The following CRYGB variants were observed in gnomAD, a reference collection of about 807,000 sequenced individuals.
CRYGB encodes crystallin gamma B.
A neutral mutation model predicts 21.3 loss-of-function variants in CRYGB; 19 were observed. The observed-to-expected ratio is 0.89, with a 90% CI of 0.62 to 1.31. The LOEUF is 1.31. CRYGB is among the 50% of genes most tolerant of loss of function. CRYGB has a pLI of 0.00. For missense variants in CRYGB, 254 were observed against 228.4 expected, an observed-to-expected ratio of 1.11 and a Z score of -0.72; for synonymous variants, 81 against 81.2, an observed-to-expected ratio of 1.00 and a Z score of 0.01.
intron 2 of CRYGB, among the ~76,000 whole-genome samples, chr2:208,145,152 A>G (rs1039728594): frequency 3.3e-5 from 5 of 152,200 alleles, no homozygotes; most frequent in Non-Finnish European, 5.9e-5. Context: ...ATTAGAATAG[A>G]AATCAGAAGA....
Position 208,142,821 on chromosome 2 carries a change from G to A in CRYGB, c.345C>T (p.Asp115=), listed in dbSNP as rs1237103343. ...ELTDDCISVQ[D]RFHLTEIHSL... ...AGTGAATTTCAGTGAGGTGGAAGCG[G>A]TCCTGAACAGAGATACAGTCGTCTG... The change falls in exon 3 of 3, where the codon GAC becomes GAT. Residue 115 remains aspartate, a synonymous_variant. Coordinates refer to ENST00000260988, the MANE Select transcript of CRYGB (RefSeq NM_005210.4). 6.8e-6 allele frequency: 11 copies of A among 1,614,112 alleles called. No homozygotes were observed. The highest frequency in any genetic ancestry group is 8.5e-6 in the Non-Finnish European group (10 of 1,180,018).
Position 208,142,746 on chromosome 2 carries a change from G to A in CRYGB, c.420C>T (p.Tyr140=). 1.2e-6 allele frequency: 2 copies of A among 1,614,114 alleles called. No individual in the cohort carries two copies. The highest frequency in any genetic ancestry group is 1.7e-6 in the Non-Finnish European group (2 of 1,180,028). ...GCCTCAGCAGATACTGCCTCCCCCT[G>A]TAGTTGGGCATCTCATAGAGGATCC... ...GSWILYEMPN[Y]RGRQYLLRPG... is the part of the protein sequence containing the mutation. The change falls in exon 3 of 3, where the codon TAC becomes TAT. Residue 140 remains tyrosine (Y), a synonymous_variant. Transcript: ENST00000260988.
In CRYGB at chr2:208,142,615, GA is replaced by G; in HGVS notation, c.*22del. On this transcript the variant is annotated 3_prime_UTR_variant, in exon 3 of 3. Transcript: ENST00000260988. ...AAATATTTTATTAGATTTTAAAGGA[GA>G]AAAGTGGAAAACGTAAATACTTCAG... 2.1e-6 allele frequency: 3 copies of G among 1,449,782 alleles called. No homozygotes were observed. Among genetic ancestry groups the G allele is most frequent in the South Asian group, 1.7e-5 (1 of 58,640 alleles). 89.8% of individuals were successfully genotyped at this position (1,449,782 alleles called of 1,614,324 possible).
chr2:208,146,080 C>T, intron 1 of CRYGB, 32 bp downstream of exon 1: 1 of 1,614,186 alleles, frequency 6.2e-7, no homozygotes. Context: ...TGCATTAGGG[C>T]CAAGGCTGAG....
At chr2:208,144,892 T>G (rs935148826) in intron 2 of CRYGB, among the ~76,000 whole-genome samples, 11 of 152,158 alleles carry the variant, frequency 7.2e-5, no homozygotes, top group African/African-American at 2.7e-4. Flanking sequence ...TCAGTTCAAA[T>G]TTCAACCTAT....
chr2:208,144,995 A>T (rs1367805460), intron 2 of CRYGB, among the ~76,000 whole-genome samples: 5 of 152,180 alleles, frequency 3.3e-5, no homozygotes, highest in African/African-American at 1.2e-4. Context: ...TGTTTTTATG[A>T]CACTGTATCC....
Position 208,145,994 on chromosome 2 carries a change from G to T in CRYGB, c.32C>A (p.Ala11Asp). The T allele has an allele frequency of 1.9e-6, 3 of 1,614,194 alleles. No homozygotes were observed. The highest frequency in any genetic ancestry group is 2.5e-6 in the Non-Finnish European group (3 of 1,180,042). The stretch of plus-strand genomic sequence containing the variant: ...GCATTCGTAGCTGCGGCCCTGGAAG[G>T]CCCTGTCCTCGTAGAAGGTGATCTG... MGKITFYEDRAFQGRSYECTT... is the reference protein window; with the variant it reads MGKITFYEDRDFQGRSYECTT... Residue 11 changes from alanine to aspartate, a missense_variant, in exon 2 of 3, where the codon GCC becomes GAC. By Grantham distance (126) the Ala-to-Asp change is moderately radical. Transcript: ENST00000260988.
intron 2 of CRYGB, among the ~76,000 whole-genome samples, chr2:208,143,997 T>C (rs764371637): frequency 2.7e-5 from 4 of 150,938 alleles, no homozygotes; most frequent in Non-Finnish European, 5.9e-5. Flanking sequence ...ATCCTCAACC[T>C]TGGCAAAATA....
rs189443811 is a variant in CRYGB, at chr2:208,143,385, T to C, written c.253-472A>G. ...CTGAGGCTCACCTGAGACAAATGCA[T>C]CTCTGATTGCTTCCTCTCCCCTATT... On this transcript the variant is annotated intron_variant, in intron 2 of 2. Transcript: ENST00000260988. Among the ~76,000 whole-genome samples, 20 of 152,328 alleles carry C rather than the reference T, an allele frequency of 1.3e-4. No homozygotes were observed. In the East Asian group the frequency reaches 3.9e-3, roughly 29 times the overall value.
chr2:208,142,824 C>T lies in CRYGB; in HGVS notation c.342G>A (p.Gln114=), dbSNP rs1695378698. The change falls in exon 3 of 3, where the codon CAG becomes CAA. Residue 114 remains glutamine, a synonymous_variant. Coordinates refer to ENST00000260988, the MANE Select transcript of CRYGB (RefSeq NM_005210.4). ...GAATTTCAGTGAGGTGGAAGCGGTC[C>T]TGAACAGAGATACAGTCGTCTGTGA... ...SELTDDCISV[Q]DRFHLTEIHS... is the part of the protein sequence containing the mutation. 1 of 1,614,062 alleles carries T rather than the reference C, an allele frequency of 6.2e-7. No individual in the cohort carries two copies. Among genetic ancestry groups the T allele is most frequent in the South Asian group, 1.1e-5 (1 of 91,076 alleles).
chr2:208,145,714 A>C (rs1242122115), intron 2 of CRYGB, 60 bp downstream of exon 2: 1 of 1,519,486 alleles, frequency 6.6e-7, no homozygotes, highest in Non-Finnish European at 8.8e-7. Flanking sequence ...AAAAAAAAGA[A>C]TATCATGAAA....
intron 2 of CRYGB, among the ~76,000 whole-genome samples, chr2:208,143,270 G>A (rs1399076369): frequency 6.6e-6 from 1 of 152,158 alleles, no homozygotes; most frequent in Non-Finnish European, 1.5e-5. Flanking sequence ...AATAAATCTT[G>A]GGACCTCAAA....
Position 208,145,877 on chromosome 2 carries a change from T to C in CRYGB, c.149A>G (p.Asn50Ser). 2 of 1,613,994 alleles carry C rather than the reference T, an allele frequency of 1.2e-6. No individual in the cohort carries two copies. The highest frequency in any genetic ancestry group is 1.7e-6 in the Non-Finnish European group (2 of 1,179,992). The change falls in exon 2 of 3, where the codon AAC (asparagine) becomes AGC (serine). Residue 50 changes from asparagine (N) to serine (S), a missense_variant. Transcript: ENST00000260988. ...CAGGAAGTACTGGTGGCCCTGGTAG[T>C]TGGGGCGCTCATAGATCATCCAGCA... The part of the protein sequence containing the change: ...SGCWMIYERP[N>S]YQGHQYFLRR...
At chr2:208,146,056 C>T (rs1695466330) in intron 1 of CRYGB, 40 bp from the exon 2 acceptor site, 1 of 1,614,028 alleles carries the variant, frequency 6.2e-7, no homozygotes, top group South Asian at 1.1e-5. Flanking sequence ...GTGATTGGCC[C>T]CCACTGAGGC....
chr2:208,142,923 C>A lies in CRYGB; in HGVS notation c.253-10G>T, dbSNP rs756022257. On this transcript the variant is annotated splice_polypyrimidine_tract_variant and intron_variant, in intron 2 of 2. Coordinates refer to ENST00000260988, the MANE Select transcript of CRYGB (RefSeq NM_005210.4). Reference sequence around the variant, plus strand: ...TGTAAGCGCCAGAGTGCTGGAGTGGCAGACAGAAAACGCAAGAGTAAACAA... The same window carrying A: ...TGTAAGCGCCAGAGTGCTGGAGTGGAAGACAGAAAACGCAAGAGTAAACAA... 5.1e-6 allele frequency: 8 copies of A among 1,578,900 alleles called. No individual in the cohort carries two copies. The highest frequency in any genetic ancestry group is 6.9e-6 in the Non-Finnish European group (8 of 1,162,574).
Position 208,142,779 on chromosome 2 carries a change from C to T in CRYGB, c.387G>A (p.Glu129=). 1 of 1,614,176 alleles carries T rather than the reference C, an allele frequency of 6.2e-7. No homozygotes were observed. The highest frequency in any genetic ancestry group is 1.3e-5 in the African/African-American group (1 of 75,026). The part of the protein sequence containing the change: ...LTEIHSLNVL[E]GSWILYEMPN... ...GCATCTCATAGAGGATCCAGCTGCC[C>T]TCCAGCACATTGAGGGAGTGAATTT... Residue 129 remains glutamate, a synonymous_variant, in exon 3 of 3, where the codon GAG becomes GAA. Coordinates refer to ENST00000260988, the MANE Select transcript of CRYGB (RefSeq NM_005210.4).
chr2:208,142,731 A>C lies in CRYGB; in HGVS notation c.435T>G (p.Tyr145Ter), dbSNP rs779265773. The C allele has an allele frequency of 3.7e-6, 6 of 1,614,140 alleles. No individual in the cohort carries two copies. Among genetic ancestry groups the C allele is most frequent in the Non-Finnish European group, 5.1e-6 (6 of 1,180,014 alleles). Residue 145 changes from tyrosine to a stop codon, truncating the protein, a stop_gained, in exon 3 of 3, where the codon TAT becomes TAG. Coordinates refer to ENST00000260988, the MANE Select transcript of CRYGB (RefSeq NM_005210.4). LOFTEE classifies it high-confidence loss of function. ...YEMPNYRGRQ[Y>*]LLRPGEYRRF... ...TCCTGTACTCCCCCGGCCTCAGCAG[A>C]TACTGCCTCCCCCTGTAGTTGGGCA... is the stretch of plus-strand genomic sequence containing the variant.
At chr2:208,145,170 C>T (rs572943358) in intron 2 of CRYGB, among the ~76,000 whole-genome samples, 1 of 152,246 alleles carries the variant, frequency 6.6e-6, no homozygotes, top group African/African-American at 2.4e-5. Flanking sequence ...AGACAGGATC[C>T]TATCTTCTCA....
chr2:208,145,594 C>T (rs1459796538), intron 2 of CRYGB, among the ~76,000 whole-genome samples, 180 bp downstream of exon 2: 1 of 144,962 alleles, frequency 6.9e-6, no homozygotes, highest in Non-Finnish European at 1.5e-5. Context: ...GAGGCTGAGG[C>T]AGGGGAATTG....
Sources: allele counts gnomAD v4.1 joint callset (sites outside exome capture counted in the v4.1 genomes callset), GRCh38; gene constraint gnomAD v4.1.1; transcripts MANE v1.5; gene names NCBI Gene and HGNC (gene_info 2026-07-23, HGNC 2026-07-21).